Variants in ADAMTSL1 observed in about 807,000 individuals in gnomAD.
The protein encoded by ADAMTSL1 is ADAMTS-like protein 1.
Under a neutral mutation model 201.8 loss-of-function variants are expected in ADAMTSL1, and 126 were observed. The observed-to-expected ratio is 0.62, with a 90% CI of 0.54 to 0.72. The LOEUF is 0.72. ADAMTSL1 is among the 30% of genes least tolerant of loss of function. The pLI, the probability that ADAMTSL1 is intolerant of heterozygous loss-of-function variation, is 0.00. For synonymous variants in ADAMTSL1, 1,121 were observed against 903.4 expected, an observed-to-expected ratio of 1.24 and a Z score of -4.32; for missense variants, 2,679 against 2,277.8, an observed-to-expected ratio of 1.18 and a Z score of -3.59.
chr9:17,952,746 C>G (rs1015012466), intron 1 of ADAMTSL1, among the ~76,000 whole-genome samples: 2 of 152,048 alleles, frequency 1.3e-5, no homozygotes, highest in Admixed American at 6.6e-5. Context: ...AGGCTGGTCT[C>G]GAACTCCTGG....
At chr9:17,979,560 C>T (rs964947117) in intron 1 of ADAMTSL1, among the ~76,000 whole-genome samples, 2 of 150,280 alleles carry the variant, frequency 1.3e-5, no homozygotes, top group South Asian at 2.1e-4. Flanking sequence ...CTCTGCTTAA[C>T]GTCATGTTTT....
At chr9:17,930,946 G>A (rs1014290731) in intron 1 of ADAMTSL1, among the ~76,000 whole-genome samples, 3 of 152,062 alleles carry the variant, frequency 2.0e-5, no homozygotes, top group Non-Finnish European at 2.9e-5. Context: ...GACTGCTGGC[G>A]GCATTGTCCT....
At chr9:18,340,752 G>T (rs1332937360) in intron 2 of ADAMTSL1, among the ~76,000 whole-genome samples, 1 of 152,068 alleles carries the variant, frequency 6.6e-6, no homozygotes, top group Non-Finnish European at 1.5e-5. Context: ...CTTGCCTGCT[G>T]CCATGTAAGA....
chr9:18,725,122 G>T (rs1461367861), intron 15 of ADAMTSL1, among the ~76,000 whole-genome samples: 1 of 152,144 alleles, frequency 6.6e-6, no homozygotes, highest in Admixed American at 6.5e-5. Flanking sequence ...TAGCTAGGAT[G>T]GTCTCGATCT....
At chr9:18,354,447 CT>C (rs1207288592) in intron 2 of ADAMTSL1, among the ~76,000 whole-genome samples, 1 of 152,102 alleles carries the variant, frequency 6.6e-6, no homozygotes, top group Non-Finnish European at 1.5e-5. Flanking sequence ...ATAAACTTTG[CT>C]GTTACGTTGG....
chr9:18,181,915 A>G (rs1223881789), intron 2 of ADAMTSL1, among the ~76,000 whole-genome samples: 1 of 152,214 alleles, frequency 6.6e-6, no homozygotes, highest in Non-Finnish European at 1.5e-5. Flanking sequence ...AGACTGGATT[A>G]AGAAAATGTG....
chr9:18,484,272 G>T (rs7856703), intron 1 of ADAMTSL1, among the ~76,000 whole-genome samples: 87,777 of 152,012 alleles, frequency 0.58, 25,589 homozygotes, highest in African/African-American at 0.64. Flanking sequence ...GTACTTTCCA[G>T]TGGTTTTATG....
intron 1 of ADAMTSL1, among the ~76,000 whole-genome samples, chr9:17,921,218 G>C (rs539187232): frequency 7.9e-5 from 12 of 152,200 alleles, no homozygotes; most frequent in African/African-American, 2.4e-4. Context: ...AATTTACGTA[G>C]ATTTTGAACC....
chr9:18,574,028 A>G lies in ADAMTSL1; in HGVS notation c.238-2A>G. The G allele has an allele frequency of 6.2e-7, 1 of 1,611,632 alleles. No individual in the cohort carries two copies. Among genetic ancestry groups the G allele is most frequent in the Non-Finnish European group, 8.5e-7 (1 of 1,178,806 alleles). ...TATGTCCTTTCTCTCTTTTTTCTCC[A>G]GGACTGCCCACCAGAAGCAGGTGAT... On this transcript the variant is annotated splice_acceptor_variant, in intron 3 of 28. Coordinates refer to ENST00000380548, the MANE Select transcript of ADAMTSL1 (RefSeq NM_001040272.6). LOFTEE classifies it high-confidence loss of function.
intron 2 of ADAMTSL1, among the ~76,000 whole-genome samples, chr9:18,467,312 T>A (rs574429963): frequency 1.3e-5 from 2 of 152,202 alleles, no homozygotes; most frequent in African/African-American, 4.8e-5. Flanking sequence ...AAATGCCAAA[T>A]TAAAAAATAG....
At chr9:18,635,089 C>A (rs1386009821) in intron 5 of ADAMTSL1, among the ~76,000 whole-genome samples, 1 of 151,438 alleles carries the variant, frequency 6.6e-6, no homozygotes, top group African/African-American at 2.4e-5. Context: ...TCAGAAAATC[C>A]TCTGTGCCAA....
chr9:18,399,689 G>T lies in ADAMTSL1; in HGVS notation c.208-105140G>T, dbSNP rs374591294. On this transcript the variant is annotated intron_variant, in intron 2 of 29. Coordinates refer to the ADAMTSL1 transcript ENST00000680146. ...TTTAAAGTCTTCATTTTAGAATACT[G>T]TATGCCATAGCTTTCAAAAATAATG... Among the ~76,000 whole-genome samples, 286 of 152,058 alleles carry T rather than the reference G, an allele frequency of 1.9e-3. 2 individuals are homozygous for T. Among genetic ancestry groups the T allele is most frequent in the African/African-American group, 6.4e-3 (267 of 41,494 alleles).
intron 1 of ADAMTSL1, among the ~76,000 whole-genome samples, chr9:18,122,917 T>A (rs993607292): frequency 6.6e-6 from 1 of 152,164 alleles, no homozygotes; most frequent in Admixed American, 6.5e-5. Context: ...TTTTGTACTT[T>A]TTGTCAAGAT....
chr9:18,694,524 G>A (rs917163421), intron 13 of ADAMTSL1, among the ~76,000 whole-genome samples: 2 of 152,270 alleles, frequency 1.3e-5, no homozygotes, highest in South Asian at 4.1e-4. Flanking sequence ...AAACAAAGGG[G>A]TTACAGACCC....
chr9:18,673,835 TC>T (rs1220802781), intron 9 of ADAMTSL1, among the ~76,000 whole-genome samples: 3 of 152,182 alleles, frequency 2.0e-5, no homozygotes, highest in African/African-American at 7.2e-5. Context: ...CTTGATTTAT[TC>T]CTTAATTGAC....
At chr9:18,415,575 T>C (rs1330965321) in intron 2 of ADAMTSL1, among the ~76,000 whole-genome samples, 2 of 152,006 alleles carry the variant, frequency 1.3e-5, no homozygotes, top group Non-Finnish European at 2.9e-5. Flanking sequence ...AGTTGCCTAA[T>C]ATATATGTAA....
chr9:18,713,339 A>T (rs200265261), intron 14 of ADAMTSL1, among the ~76,000 whole-genome samples: 81 of 152,298 alleles, frequency 5.3e-4, no homozygotes, highest in Non-Finnish European at 7.2e-4. Context: ...ATCAGTGTGC[A>T]GTATTCAGGA....
chr9:18,610,221 T>G (rs1357878588), intron 4 of ADAMTSL1, among the ~76,000 whole-genome samples: 2 of 152,172 alleles, frequency 1.3e-5, no homozygotes, highest in African/African-American at 2.4e-5. Context: ...ATGGCTCTAT[T>G]TGTTCTGTGA....
At chr9:18,521,861 C>G (rs1818715771) in intron 2 of ADAMTSL1, among the ~76,000 whole-genome samples, 1 of 152,120 alleles carries the variant, frequency 6.6e-6, no homozygotes, top group African/African-American at 2.4e-5. Context: ...GAATATGGGA[C>G]TTGTGAAACC....
Sources: gnomAD v4.1 joint callset for allele counts (sites outside exome capture counted in the v4.1 genomes callset) on GRCh38, gnomAD v4.1.1 for gene constraint, MANE v1.5 for transcripts, NCBI Gene and HGNC (gene_info 2026-07-23, HGNC 2026-07-21) for gene names.